The following CYP2U1 variants were observed in gnomAD, a reference collection of about 807,000 sequenced individuals.
CYP2U1 encodes the protein cytochrome P450 family 2 subfamily U member 1.
In CYP2U1, 28 loss-of-function variants were observed where a neutral mutation model predicts 42.8. The ratio of observed to expected loss-of-function variants is 0.65; its 90% CI spans 0.48 to 0.90. CYP2U1 has a LOEUF of 0.90. CYP2U1 is among the 40% of genes least tolerant of loss of function. The pLI, the probability that CYP2U1 is intolerant of heterozygous loss-of-function variation, is 0.00. For missense variants in CYP2U1, 642 were observed against 693.8 expected (o/e 0.93, Z 0.84); for synonymous variants, 296 against 278.9 (o/e 1.06, Z -0.61).
In CYP2U1 at chr4:107,951,432, T is replaced by G. The variant is rs4565156; in HGVS notation, c.*1009T>G. On this transcript the variant is annotated 3_prime_UTR_variant, in exon 5 of 5. Transcript: ENST00000332884. ...ATATACTCTCAAAGAATTCACTCTC[T>G]TTTTATTAAGAGAACTAAATTGTTT... 56,190 of 152,140 alleles carry G rather than the reference T, an allele frequency of 0.37. 10,963 individuals carry two copies. Among genetic ancestry groups the G allele is most frequent in the Middle Eastern group, 0.5 (145 of 292 alleles). The allele number at this position is 152,140 out of a possible 1,614,324, so 9.4% of individuals were successfully genotyped here.
rs541373555 is a variant in CYP2U1 at position 107,947,418 on chromosome 4, G to A, written c.1169G>A (p.Arg390Gln). The A allele has an allele frequency of 6.2e-6, 10 of 1,614,064 alleles. No individual in the cohort carries two copies. Among genetic ancestry groups the A allele is most frequent in the South Asian group, 4.4e-5 (4 of 91,072 alleles). ...ATTGAAAGAGTCATTGGCGCCAACC[G>A]AGCTCCTTCCCTCACAGACAAGGCC... ...EEIERVIGAN[R>Q]APSLTDKAQM... The change falls in exon 3 of 5, where the codon CGA becomes CAA. Residue 390 changes from arginine to glutamine, a missense_variant. Transcript: ENST00000332884.
chr4:107,952,542 C>G lies in CYP2U1; in HGVS notation c.*2119C>G, dbSNP rs567796846. Reference sequence around the variant, plus strand: ...CTGAACTTAAAACACTTCTGTTTGGCCTTCTATAACTGATCACCCTTCTTT... The same window carrying G: ...CTGAACTTAAAACACTTCTGTTTGGGCTTCTATAACTGATCACCCTTCTTT... On this transcript the variant is annotated 3_prime_UTR_variant, in exon 5 of 5. Coordinates refer to ENST00000332884, the MANE Select transcript of CYP2U1 (RefSeq NM_183075.3). 5 of 152,336 alleles carry G rather than the reference C, an allele frequency of 3.3e-5. No homozygotes were observed. In the South Asian group the frequency reaches 1.0e-3, roughly 32 times the overall value. The allele number at this position is 152,336 out of a possible 1,614,324, so 9.4% of individuals were successfully genotyped here. A position where few individuals can be genotyped will look rare whatever the true frequency, so the allele number is the denominator to read the frequency against.
At chr4:107,935,299 T>A (rs1733218362) in intron 1 of CYP2U1, among the ~76,000 whole-genome samples, 1 of 152,230 alleles carries the variant, frequency 6.6e-6, no homozygotes, top group Non-Finnish European at 1.5e-5. Context: ...ATTAAATCTC[T>A]ATTTAGAAAA....
rs2126188336 is a variant in CYP2U1, at chr4:107,931,898, C to G, written c.255C>G (p.Ser85Arg). 6.5e-7 allele frequency: 1 copy of G among 1,549,372 alleles called. No homozygotes were observed. Among genetic ancestry groups the G allele is most frequent in the Admixed American group, 2.0e-5 (1 of 50,946 alleles). The change falls in exon 1 of 5, where the codon AGC becomes AGG. Residue 85 changes from serine (S) to arginine (R), a missense_variant. Physicochemically the swap from Ser to Arg is moderately radical, Grantham distance 110. Coordinates refer to ENST00000332884, the MANE Select transcript of CYP2U1 (RefSeq NM_183075.3). ...TGCCTCCCTTCCTCCGGCGGCGGAG[C>G]TGGCTGAGCAGCAGGACCAGGGCCG... ...VLLPPFLRRR[S>R]WLSSRTRAAG...
rs1044155099 is a variant in CYP2U1, at chr4:107,950,177, T to G, written c.1457-68T>G. ...CTCAATTTAGATATTTCATATAAAT[T>G]TGTACTTTTTGAAATAGGAGAAGGG... On this transcript the variant is annotated intron_variant, in intron 4 of 4. Transcript: ENST00000332884. The G allele has an allele frequency of 7.0e-6, 10 of 1,422,130 alleles. No homozygotes were observed. The African/African-American group carries it at 1.3e-4, about 18-fold the overall frequency. The allele number at this position is 1,422,130 out of a possible 1,614,324, so 88.1% of individuals were successfully genotyped here. A position where few individuals can be genotyped will look rare whatever the true frequency, so the allele number is the denominator to read the frequency against.
Position 107,932,094 on chromosome 4 carries a change from C to G in CYP2U1, c.451C>G (p.Pro151Ala), listed in dbSNP as rs1211650516. The change falls in exon 1 of 5, where the codon CCG (proline) becomes GCG (alanine). Residue 151 changes from proline to alanine, a missense_variant. Transcript: ENST00000332884. ...VQQAEVFSDR[P>A]RVPLISIVTK... is the part of the protein sequence containing the mutation. ...GCAGGCCGAGGTCTTCAGCGACCGC[C>G]CGCGGGTGCCGCTCATCTCCATCGT... The G allele has an allele frequency of 6.3e-7, 1 of 1,599,042 alleles. No individual in the cohort carries two copies.
chr4:107,934,170 CTTCT>C (rs1470807642), intron 1 of CYP2U1, among the ~76,000 whole-genome samples: 4 of 91,758 alleles, frequency 4.4e-5, no homozygotes, highest in Non-Finnish European at 6.3e-5. Flanking sequence ...CTCACCAACA[CTTCT>C]TTTTTTTTTT....
intron 1 of CYP2U1, chr4:107,936,509 T>C: frequency 6.5e-6 from 1 of 153,440 alleles, no homozygotes; most frequent in Non-Finnish European, 1.5e-5. Context: ...CACCATGGGA[T>C]GATGCAGCAT....
intron 1 of CYP2U1, chr4:107,936,376 T>C (rs1375252635): frequency 4.6e-5 from 7 of 152,226 alleles, no homozygotes; most frequent in Admixed American, 6.5e-5. Context: ...CCTTCATCAA[T>C]GGATTAGTGC....
rs1337622205 is a variant in CYP2U1, at chr4:107,950,992, C to G, written c.*569C>G. 1 of 152,270 alleles carries G rather than the reference C, an allele frequency of 6.6e-6. No individual in the cohort carries two copies. Among genetic ancestry groups the G allele is most frequent in the Non-Finnish European group, 1.5e-5 (1 of 68,104 alleles). 9.4% of individuals were successfully genotyped at this position (152,270 alleles called of 1,614,324 possible). ...TACTGGGGGAGAACTTTTCTCAGCACAGATTCTATGCCAGCTTCTTTGGGC... is the reference window on the plus strand; with the variant it reads ...TACTGGGGGAGAACTTTTCTCAGCAGAGATTCTATGCCAGCTTCTTTGGGC... On this transcript the variant is annotated 3_prime_UTR_variant, in exon 5 of 5. Transcript: ENST00000332884.
chr4:107,937,575 C>A (rs1733319210), intron 1 of CYP2U1: 1 of 150,648 alleles, frequency 6.6e-6, no homozygotes, highest in African/African-American at 2.4e-5. Flanking sequence ...GTTGCAAAAT[C>A]TCAGCTCACT....
In CYP2U1 at chr4:107,945,577, G is replaced by C; in HGVS notation, c.1098G>C (p.Leu366=). 1 of 1,595,938 alleles carries C rather than the reference G, an allele frequency of 6.3e-7. No homozygotes were observed. Among genetic ancestry groups the C allele is most frequent in the Non-Finnish European group, 8.5e-7 (1 of 1,169,792 alleles). The change falls in exon 2 of 5, where the codon CTG becomes CTC. Residue 366 remains leucine (L), a synonymous_variant. Transcript: ENST00000332884. ...CTAACTCTTTGCTCTGGTGCCTGCT[G>C]TATATGTCGCTGAACCCCGATGTAC... ...TTTNSLLWCL[L]YMSLNPDVQE...
At chr4:107,940,610 G>C (rs1733455705) in intron 1 of CYP2U1, 1 of 144,384 alleles carries the variant, frequency 6.9e-6, no homozygotes, top group African/African-American at 2.5e-5. Context: ...ATAACATTTT[G>C]GTTTTTTTTT....
chr4:107,947,421 C>T lies in CYP2U1; in HGVS notation c.1172C>T (p.Ala391Val), dbSNP rs868605672. Residue 391 changes from alanine (A) to valine (V), a missense_variant, in exon 3 of 5, where the codon GCT (alanine) becomes GTT (valine). Physicochemically the swap from Ala to Val is moderately conservative, Grantham distance 64. Coordinates refer to ENST00000332884, the MANE Select transcript of CYP2U1 (RefSeq NM_183075.3). ...GAAAGAGTCATTGGCGCCAACCGAG[C>T]TCCTTCCCTCACAGACAAGGCCCAG... ...EIERVIGANR[A>V]PSLTDKAQMP... 3 of 1,614,162 alleles carry T rather than the reference C, an allele frequency of 1.9e-6. 1 individual carries two copies. The African/African-American group carries it at 4.0e-5, about 22-fold the overall frequency.
At chr4:107,949,091 G>T (rs756818997) in intron 3 of CYP2U1, among the ~76,000 whole-genome samples, 18 of 151,950 alleles carry the variant, frequency 1.2e-4, no homozygotes, top group African/African-American at 4.1e-4. Flanking sequence ...TCATTGTAAT[G>T]TTTTTATGGT....
At chr4:107,940,062 G>A (rs960569525) in intron 1 of CYP2U1, 1 of 151,072 alleles carries the variant, frequency 6.6e-6, no homozygotes, top group Non-Finnish European at 1.5e-5. Context: ...TATACTTGAC[G>A]CTGCCATTTC....
At chr4:107,944,392 TCC>T (rs1733606110) in intron 1 of CYP2U1, among the ~76,000 whole-genome samples, 1 of 152,014 alleles carries the variant, frequency 6.6e-6, no homozygotes, top group South Asian at 2.1e-4. Context: ...AGCATCCAAC[TCC>T]TGGGCTCAAG....
Position 107,931,908 on chromosome 4 carries a change from A to G in CYP2U1, c.265A>G (p.Ser89Gly). 4 of 1,550,430 alleles carry G rather than the reference A, an allele frequency of 2.6e-6. No individual in the cohort carries two copies. The highest frequency in any genetic ancestry group is 3.5e-6 in the Non-Finnish European group (4 of 1,146,616). The change falls in exon 1 of 5, where the codon AGC (serine) becomes GGC (glycine). Residue 89 changes from serine (S) to glycine (G), a missense_variant. By Grantham distance (56) the Ser-to-Gly change is moderately conservative (BLOSUM62 0). Coordinates refer to ENST00000332884, the MANE Select transcript of CYP2U1 (RefSeq NM_183075.3). ...PFLRRRSWLS[S>G]RTRAAGIDPS... ...CCTCCGGCGGCGGAGCTGGCTGAGC[A>G]GCAGGACCAGGGCCGCAGGGATTGA...
Position 107,931,873 on chromosome 4 carries a change from T to G in CYP2U1, c.230T>G (p.Leu77Arg), listed in dbSNP as rs1156285475. 6.5e-7 allele frequency: 1 copy of G among 1,547,952 alleles called. No homozygotes were observed. The highest frequency in any genetic ancestry group is 8.7e-7 in the Non-Finnish European group (1 of 1,145,436). The change falls in exon 1 of 5, where the codon CTG (leucine) becomes CGG (arginine). Residue 77 changes from leucine (L) to arginine (R), a missense_variant. Leu to Arg is a moderately radical substitution (Grantham distance 102). Coordinates refer to ENST00000332884, the MANE Select transcript of CYP2U1 (RefSeq NM_183075.3). Reference protein sequence around the residue: ...PLVGNFGHVLLPPFLRRRSWL... With the variant: ...PLVGNFGHVLRPPFLRRRSWL... ...GTGGGCAACTTCGGTCACGTGCTGCTGCCTCCCTTCCTCCGGCGGCGGAGC... is the reference window on the plus strand; with the variant it reads ...GTGGGCAACTTCGGTCACGTGCTGCGGCCTCCCTTCCTCCGGCGGCGGAGC...
Sources: gnomAD v4.1 joint callset for allele counts (sites outside exome capture counted in the v4.1 genomes callset) on GRCh38, gnomAD v4.1.1 for gene constraint, MANE v1.5 for transcripts, NCBI Gene and HGNC (gene_info 2026-07-23, HGNC 2026-07-21) for gene names.